PHF23: variants seen among roughly 807,000 people sequenced by gnomAD.
PHF23 encodes PHD finger protein 23.
In PHF23, 3 loss-of-function variants were observed where a neutral mutation model predicts 36.0. The ratio of observed to expected loss-of-function variants is 0.08; its 90% CI spans 0.04 to 0.22. The LOEUF is 0.22. Ranked by LOEUF, PHF23 falls within the 10% of genes least tolerant of loss-of-function variation. The probability of loss-of-function intolerance (pLI) is 1.00; values close to 1 mark genes in which losing one functional copy is unlikely to be tolerated. For missense variants in PHF23, 475 were observed against 513.6 expected (o/e 0.92, Z 0.73); for synonymous variants, 242 against 192.5 (o/e 1.26, Z -2.13).
Position 7,235,595 on chromosome 17 carries a change from A to G in PHF23, c.*31T>C. The G allele has an allele frequency of 6.2e-7, 1 of 1,605,550 alleles. No individual in the cohort carries two copies. Reference sequence around the variant, plus strand: ...GGCTCAGTTCCCAAATCATGTTGTCATTTGGAAGTTCCAGGCTAAAGTTGG... The same window carrying G: ...GGCTCAGTTCCCAAATCATGTTGTCGTTTGGAAGTTCCAGGCTAAAGTTGG... On this transcript the variant is annotated 3_prime_UTR_variant, in exon 5 of 5. Transcript: ENST00000320316.
Position 7,236,111 on chromosome 17 carries a change from G to C in PHF23, c.816C>G (p.Val272=), listed in dbSNP as rs200258432. ...CCTCAGGGGGTGTTGGCAGCACAGGGACTGGGGCTTCACCCCCTACCACTG... is the reference window on the plus strand; with the variant it reads ...CCTCAGGGGGTGTTGGCAGCACAGGCACTGGGGCTTCACCCCCTACCACTG... The part of the protein sequence containing the change: ...MATVVGGEAP[V]PVLPTPPEAP... Residue 272 remains valine, a synonymous_variant, in exon 4 of 5, where the codon GTC becomes GTG. Coordinates refer to ENST00000320316, the MANE Select transcript of PHF23 (RefSeq NM_024297.3). This position sits in a 1 kb window ranked among gnomAD's most constrained non-coding sequence, Gnocchi z 5.1. 15 of 1,612,260 alleles carry C rather than the reference G, an allele frequency of 9.3e-6. No individual in the cohort carries two copies. In the South Asian group the frequency reaches 1.4e-4, roughly 15 times the overall value.
chr17:7,238,557 C>T (rs1183429629), intron 1 of PHF23: 121 of 1,103,418 alleles, frequency 1.1e-4, no homozygotes, highest in Non-Finnish European at 1.3e-4. Flanking sequence ...CCGCCGATGC[C>T]CCCCTCACCC....
chr17:7,237,107 A>G (rs1474348628), intron 3 of PHF23, among the ~76,000 whole-genome samples: 2 of 152,054 alleles, frequency 1.3e-5, no homozygotes, highest in Non-Finnish European at 2.9e-5. Context: ...ATTTATCCAT[A>G]AACACCTTCC....
chr17:7,238,682 G>A, intron 1 of PHF23: 2 of 775,690 alleles, frequency 2.6e-6, no homozygotes, highest in Non-Finnish European at 3.1e-6. Context: ...TACCCAGCTC[G>A]CCTCGCTTCC....
In PHF23 at chr17:7,235,967, C is replaced by G. The variant is rs375895477; in HGVS notation, c.960G>C (p.Glu320Asp). ...QDGDASSSEG[E>D]MRVMDEDIMV... ...TGATGTCCTCGTCCATGACCCGCAT[C>G]TCGCCTTCACTGGAGCTGGCATCTC... Residue 320 changes from glutamate (E) to aspartate (D), a missense_variant, in exon 4 of 5, where the codon GAG becomes GAC. By Grantham distance (45) the Glu-to-Asp change is conservative. Transcript: ENST00000320316. 3 of 1,612,752 alleles carry G rather than the reference C, an allele frequency of 1.9e-6. No homozygotes were observed. The African/African-American group carries it at 4.0e-5, about 21-fold the overall frequency.
upstream of PHF23, chr17:7,240,016 A>G (rs1031958832): frequency 3.3e-5 from 5 of 152,240 alleles, no homozygotes; most frequent in Middle Eastern, 3.2e-3. Flanking sequence ...CATGCAACTG[A>G]GAACAGCCGT....
chr17:7,238,616 G>T, intron 1 of PHF23: 1 of 317,010 alleles, frequency 3.2e-6, no homozygotes, highest in Admixed American at 8.3e-4. Context: ...CTACCCCCCC[G>T]CCCGACAAGT....
chr17:7,236,898 C>T lies in PHF23; in HGVS notation c.160-131G>A. ...ACCTCAACCACTAAATCCCACTGTA[C>T]TCCAAAAACTTCTCCCCACCCCAAT... is the stretch of plus-strand genomic sequence containing the variant. On this transcript the variant is annotated intron_variant, in intron 3 of 4. Transcript: ENST00000320316. This position sits in a 1 kb window ranked among gnomAD's most constrained non-coding sequence, Gnocchi z 5.1. 1.4e-6 allele frequency: 2 copies of T among 1,444,308 alleles called. No homozygotes were observed. The highest frequency in any genetic ancestry group is 1.8e-6 in the Non-Finnish European group (2 of 1,105,634). 89.5% of individuals were successfully genotyped at this position (1,444,308 alleles called of 1,614,324 possible).
chr17:7,235,330 C>A lies in PHF23; in HGVS notation c.*296G>T. ...TTATAGACAACTGTCCCATTCCATC[C>A]CAATTCCAATCCTGACCCAGAAAGT... is the stretch of plus-strand genomic sequence containing the variant. On this transcript the variant is annotated 3_prime_UTR_variant, in exon 5 of 5. Coordinates refer to ENST00000320316, the MANE Select transcript of PHF23 (RefSeq NM_024297.3). 1 of 449,590 alleles carries A rather than the reference C, an allele frequency of 2.2e-6. No individual in the cohort carries two copies. 27.9% of individuals were successfully genotyped at this position (449,590 alleles called of 1,614,324 possible). A position where few individuals can be genotyped will look rare whatever the true frequency, so the allele number is the denominator to read the frequency against.
rs1378959526 is a variant in PHF23, at chr17:7,236,572, G to A, written c.355C>T (p.Leu119=). ...PGPPRSTFSR[L]QAPDSATLLE... The stretch of plus-strand genomic sequence containing the variant: ...AAGGTAGCACTGTCGGGGGCCTGCA[G>A]ACGAGAGAAAGTGGACCTTGGGGGT... The change falls in exon 4 of 5, where the codon CTG becomes TTG. Residue 119 remains leucine (L), a synonymous_variant. Coordinates refer to ENST00000320316, the MANE Select transcript of PHF23 (RefSeq NM_024297.3). The surrounding 1 kb of genome is among the most constrained non-coding windows in gnomAD (Gnocchi z 5.1). The A allele has an allele frequency of 6.2e-7, 1 of 1,614,230 alleles. No individual in the cohort carries two copies.
chr17:7,237,377 G>GC lies in PHF23; in HGVS notation c.159+7dup, dbSNP rs2071690349. On this transcript the variant is annotated splice_region_variant and intron_variant, in intron 3 of 4. Coordinates refer to ENST00000320316, the MANE Select transcript of PHF23 (RefSeq NM_024297.3). Reference sequence around the variant, plus strand: ...CCAGCCTCAAGTCAGTAATTCTCTTGCCCCTACCTCTTTGCTAGGGGGAAT... The same window carrying GC: ...CCAGCCTCAAGTCAGTAATTCTCTTGCCCCCTACCTCTTTGCTAGGGGGAAT... The GC allele has an allele frequency of 6.2e-7, 1 of 1,605,066 alleles. No individual in the cohort carries two copies. The highest frequency in any genetic ancestry group is 1.7e-5 in the Admixed American group (1 of 59,932).
chr17:7,235,935 T>C lies in PHF23; in HGVS notation c.992A>G (p.Glu331Gly). 1 of 1,610,694 alleles carries C rather than the reference T, an allele frequency of 6.2e-7. No homozygotes were observed. The highest frequency in any genetic ancestry group is 8.5e-7 in the Non-Finnish European group (1 of 1,177,320). ...CCCCAGCCCGAACCTCTCACCTGAT[T>C]CTACCATGATGTCCTCGTCCATGAC... ...MRVMDEDIMV[E>G]SGDDSWDLIT... The change falls in exon 4 of 5, where the codon GAA (glutamate) becomes GGA (glycine). Residue 331 changes from glutamate (E) to glycine (G), a missense_variant. By Grantham distance (98) the Glu-to-Gly change is moderately conservative. Transcript: ENST00000320316.
intron 1 of PHF23, 106 bp downstream of exon 1, chr17:7,239,139 CT>C: frequency 9.9e-7 from 1 of 1,011,044 alleles, no homozygotes; most frequent in Non-Finnish European, 1.5e-6. Context: ...TCCCGACCCC[CT>C]CCCCGAACTC....
intron 1 of PHF23, 110 bp from the exon 2 acceptor site, chr17:7,237,770 G>T: frequency 1.5e-6 from 2 of 1,295,540 alleles, no homozygotes; most frequent in Non-Finnish European, 2.2e-6. Context: ...AGGTCCCTCT[G>T]CCAGGCCAGC....
At chr17:7,240,702 A>G, upstream of PHF23, 1 of 633,736 alleles carries the variant, frequency 1.6e-6, no homozygotes, top group Non-Finnish European at 2.9e-6. Context: ...ACCCCTCCTA[A>G]GAGAGGCTGG....
In PHF23 at chr17:7,239,255, T is replaced by C. The variant is rs1190701812; in HGVS notation, c.25A>G (p.Ser9Gly). 2.6e-6 allele frequency: 4 copies of C among 1,545,090 alleles called. No individual in the cohort carries two copies. The highest frequency in any genetic ancestry group is 3.4e-5 in the Admixed American group (2 of 57,990). Residue 9 changes from serine (S) to glycine (G), a missense_variant, in exon 1 of 5, where the codon AGT (serine) becomes GGT (glycine). Physicochemically the swap from Ser to Gly is moderately conservative, Grantham distance 56. Around this residue, in one of 5 missense-constraint regions of PHF23, gnomAD observed 54 missense variants for 42.0 expected, o/e 1.28. Coordinates refer to ENST00000320316, the MANE Select transcript of PHF23 (RefSeq NM_024297.3). ...CCGGTCGAGAGCTCACCTTCGGGAC[T>C]GGGCTCCGCCATGGCTTCCAGCATC... MLEAMAEP[S>G]PEDPPPTLKP... is the part of the protein sequence containing the mutation.
In PHF23 at chr17:7,236,645, T is replaced by A; in HGVS notation, c.282A>T (p.Ala94=). The A allele has an allele frequency of 2.5e-6, 4 of 1,614,138 alleles. No homozygotes were observed. Among genetic ancestry groups the A allele is most frequent in the Non-Finnish European group, 3.4e-6 (4 of 1,180,028 alleles). The change falls in exon 4 of 5, where the codon GCA becomes GCT. Residue 94 remains alanine (A), a synonymous_variant. Coordinates refer to ENST00000320316, the MANE Select transcript of PHF23 (RefSeq NM_024297.3). This position sits in a 1 kb window ranked among gnomAD's most constrained non-coding sequence, Gnocchi z 5.1. ...LRTIQTFVKK[A]KSSKRRAAQA... is the part of the protein sequence containing the mutation. Reference sequence around the variant, plus strand: ...GAGCTGCCCTTCTCTTGGATGACTTTGCTTTCTTAACAAAAGTCTGGATGG... The same window carrying A: ...GAGCTGCCCTTCTCTTGGATGACTTAGCTTTCTTAACAAAAGTCTGGATGG...
At chr17:7,238,666 T>G in intron 1 of PHF23, 3 of 200,550 alleles carry the variant, frequency 1.5e-5, no homozygotes, top group Non-Finnish European at 1.7e-5. Flanking sequence ...CACCACCCCC[T>G]ACAACTACCC....
At chr17:7,239,541 CTCT>C, upstream of PHF23, 1 of 363,936 alleles carries the variant, frequency 2.7e-6, no homozygotes, top group South Asian at 3.2e-5. Flanking sequence ...TCCCTCCCTC[CTCT>C]TCTCTCCCTC....
Sources: allele counts gnomAD v4.1 joint callset (sites outside exome capture counted in the v4.1 genomes callset), GRCh38; gene constraint gnomAD v4.1.1; regional missense constraint gnomAD v4.1.1; non-coding constraint Gnocchi (gnomAD v3.1); transcripts MANE v1.5; gene names NCBI Gene and HGNC (gene_info 2026-07-23, HGNC 2026-07-21).